CYP2C8: variants seen among roughly 807,000 people sequenced by gnomAD.
CYP2C8 encodes the protein cytochrome P450 2C8.
A neutral mutation model predicts 41.3 loss-of-function variants in CYP2C8; 51 were observed. The ratio of observed to expected loss-of-function variants is 1.24; its 90% CI spans 0.99 to 1.56. The LOEUF (loss-of-function observed/expected upper bound fraction) is 1.56, where lower values mean the gene tolerates loss of function less well. CYP2C8 is among the 40% of genes most tolerant of loss of function. CYP2C8 has a pLI of 0.00. For missense variants in CYP2C8, 651 were observed against 579.9 expected (o/e 1.12, Z -1.26); for synonymous variants, 218 against 205.8 (o/e 1.06, Z -0.51).
intron 3 of CYP2C8, among the ~76,000 whole-genome samples, chr10:95,065,412 A>G (rs560190434): frequency 6.6e-6 from 1 of 152,352 alleles, no homozygotes; most frequent in African/African-American, 2.4e-5. Flanking sequence ...GAATAAAGTT[A>G]GGGAGATTGT....
chr10:95,062,998 C>T (rs574267107), intron 4 of CYP2C8, among the ~76,000 whole-genome samples: 18 of 152,264 alleles, frequency 1.2e-4, no homozygotes, highest in South Asian at 4.1e-4. Context: ...GAGTTTCTGC[C>T]GAGAGATCCG....
intron 5 of CYP2C8, among the ~76,000 whole-genome samples, chr10:95,048,765 G>A (rs11572143): frequency 2.0e-4 from 30 of 152,060 alleles, no homozygotes; most frequent in African/African-American, 7.2e-4. Flanking sequence ...ATTACCCAGG[G>A]GAACATGTAG....
rs1301300752 is a variant in CYP2C8, at chr10:95,064,684, A to G, written c.642+116T>C. ...AAGGTGGTAATTATTTTCTTCACTCATACATCATTTTTATTGTATAAAAGC... is the reference window on the plus strand; with the variant it reads ...AAGGTGGTAATTATTTTCTTCACTCGTACATCATTTTTATTGTATAAAAGC... On this transcript the variant is annotated intron_variant, in intron 4 of 8. Transcript: ENST00000371270. The G allele has an allele frequency of 4.9e-6, 5 of 1,026,072 alleles. No homozygotes were observed. In the African/African-American group the frequency reaches 4.9e-5, roughly 10 times the overall value. The allele number at this position is 1,026,072 out of a possible 1,614,324, so 63.6% of individuals were successfully genotyped here. A position where few individuals can be genotyped will look rare whatever the true frequency, so the allele number is the denominator to read the frequency against.
rs770367683 is a variant in CYP2C8, at chr10:95,058,509, G to A, written c.645C>T (p.Val215=). Residue 215 remains valine (V), a splice_region_variant and synonymous_variant, in exon 5 of 9, where the codon GTC becomes GTT. Coordinates refer to ENST00000371270, the MANE Select transcript of CYP2C8 (RefSeq NM_000770.3). ...CAATGAGTAGAGGGAAATTATTGCA[G>A]ACCTAAAAGAGAAAAGAATATTAAA... is the stretch of plus-strand genomic sequence containing the variant. ...FRILNSPWIQ[V]CNNFPLLIDC... 1.9e-6 allele frequency: 3 copies of A among 1,609,652 alleles called. No individual in the cohort carries two copies. The highest frequency in any genetic ancestry group is 1.1e-5 in the South Asian group (1 of 90,726).
intron 6 of CYP2C8, 145 bp downstream of exon 6, chr10:95,045,665 G>A (rs2134413710): frequency 1.0e-6 from 1 of 960,872 alleles, no homozygotes; most frequent in Non-Finnish European, 1.6e-6. Context: ...ATTTTAAATT[G>A]TGTCATCAAA....
intron 4 of CYP2C8, among the ~76,000 whole-genome samples, chr10:95,060,799 T>C (rs1272877070): frequency 6.6e-6 from 1 of 152,232 alleles, no homozygotes; most frequent in Admixed American, 6.5e-5. Context: ...ATAGCTCTTA[T>C]TATTTTTAGA....
chr10:95,042,633 A>G (rs2033025206), intron 7 of CYP2C8, among the ~76,000 whole-genome samples: 1 of 152,240 alleles, frequency 6.6e-6, no homozygotes, highest in South Asian at 2.1e-4. Flanking sequence ...TAAAAATCTC[A>G]GAAGAGTGTT....
chr10:95,053,085 C>T lies in CYP2C8; in HGVS notation c.819+5250G>A, dbSNP rs139061442. On this transcript the variant is annotated intron_variant, in intron 5 of 8. Transcript: ENST00000371270. ...ACTATGAGAAATAATAAACAAATTC[C>T]GTAAAGTTGCAAGATACAAAATAAT... Among the ~76,000 whole-genome samples the T allele has an allele frequency of 1.8e-3, 276 of 151,986 alleles. 2 individuals are homozygous for T. Among genetic ancestry groups the T allele is most frequent in the African/African-American group, 6.3e-3 (260 of 41,474 alleles).
intron 5 of CYP2C8, among the ~76,000 whole-genome samples, chr10:95,056,492 A>G (rs2033316949): frequency 1.3e-5 from 2 of 152,226 alleles, no homozygotes; most frequent in Admixed American, 6.5e-5. Flanking sequence ...GGTGAAAATA[A>G]CACAAATGAT....
At chr10:95,062,799 G>A (rs1258571291) in intron 4 of CYP2C8, among the ~76,000 whole-genome samples, 1 of 152,122 alleles carries the variant, frequency 6.6e-6, no homozygotes, top group East Asian at 1.9e-4. Context: ...TCCATGTTTA[G>A]TGCTTCCTTC....
rs375721442 is a variant in CYP2C8 at position 95,043,713 on chromosome 10, C to A, written c.962-636G>T. ...CATCTCTATTCCATATATAGACACA[C>A]GCCCACAAAGTTATATGTGTACACA... On this transcript the variant is annotated intron_variant, in intron 6 of 8. Coordinates refer to ENST00000371270, the MANE Select transcript of CYP2C8 (RefSeq NM_000770.3). Among the ~76,000 whole-genome samples the A allele has an allele frequency of 7.9e-5, 12 of 152,156 alleles. 1 individual carries two copies. Among genetic ancestry groups the A allele is most frequent in the Admixed American group, 6.6e-4 (10 of 15,266 alleles).
chr10:95,062,967 A>C (rs964205216), intron 4 of CYP2C8, among the ~76,000 whole-genome samples: 44 of 152,148 alleles, frequency 2.9e-4, no homozygotes, highest in African/African-American at 6.8e-4. Context: ...AATATTGGCC[A>C]CCACTCTCTT....
chr10:95,061,606 AT>A (rs2033436961), intron 4 of CYP2C8, among the ~76,000 whole-genome samples: 1 of 151,962 alleles, frequency 6.6e-6, no homozygotes. Context: ...GGATTCATTG[AT>A]TTTTTGAAGG....
chr10:95,064,969 T>A lies in CYP2C8; in HGVS notation c.482-9A>T. 2.1e-6 allele frequency: 3 copies of A among 1,448,654 alleles called. No homozygotes were observed. The highest frequency in any genetic ancestry group is 1.8e-6 in the Non-Finnish European group (2 of 1,098,342). 89.7% of individuals were successfully genotyped at this position (1,448,654 alleles called of 1,614,324 possible). Reference sequence around the variant, plus strand: ...GGGATCACAGGGTGAAGCTAAAGATTTAAAAATTTTTAAAAAAATTATTAA... The same window carrying A: ...GGGATCACAGGGTGAAGCTAAAGATATAAAAATTTTTAAAAAAATTATTAA... On this transcript the variant is annotated splice_polypyrimidine_tract_variant and intron_variant, in intron 3 of 8. Transcript: ENST00000371270.
intron 5 of CYP2C8, among the ~76,000 whole-genome samples, chr10:95,050,580 C>A (rs12773510): frequency 0.38 from 57,446 of 151,936 alleles, 11,242 homozygotes; most frequent in Middle Eastern, 0.51. Context: ...GAGAGAGAGA[C>A]TTTGTTTATT....
At chr10:95,044,667 C>A (rs1254075055) in intron 6 of CYP2C8, among the ~76,000 whole-genome samples, 2 of 152,010 alleles carry the variant, frequency 1.3e-5, no homozygotes, top group Non-Finnish European at 2.9e-5. Flanking sequence ...TAAAGTGTCG[C>A]CGAGTACAGG....
chr10:95,043,026 C>T lies in CYP2C8; in HGVS notation c.1013G>A (p.Cys338Tyr). The change falls in exon 7 of 9, where the codon TGC (cysteine) becomes TAC (tyrosine). Residue 338 changes from cysteine (C) to tyrosine (Y), a missense_variant. Coordinates refer to ENST00000371270, the MANE Select transcript of CYP2C8 (RefSeq NM_000770.3). ...DHVIGRHRSP[C>Y]MQDRSHMPYT... ...AGGCATGTGGCTCCTATCCTGCATG[C>T]AGGGGCTCCTGTGTCTGCCAATTAC... The T allele has an allele frequency of 6.2e-7, 1 of 1,614,190 alleles. No homozygotes were observed. Among genetic ancestry groups the T allele is most frequent in the Non-Finnish European group, 8.5e-7 (1 of 1,180,026 alleles).
At chr10:95,062,062 A>G (rs1009102681) in intron 4 of CYP2C8, among the ~76,000 whole-genome samples, 6 of 152,166 alleles carry the variant, frequency 3.9e-5, no homozygotes, top group Non-Finnish European at 8.8e-5. Context: ...ACTTCCAACT[A>G]TGTGGTCAAT....
At chr10:95,065,064 T>C in intron 3 of CYP2C8, 104 bp from the exon 4 acceptor site, 1 of 1,085,324 alleles carries the variant, frequency 9.2e-7, no homozygotes. Context: ...AACAATATCT[T>C]ACAAATTCCC....
Sources: allele counts gnomAD v4.1 joint callset (sites outside exome capture counted in the v4.1 genomes callset), GRCh38; gene constraint gnomAD v4.1.1; transcripts MANE v1.5; gene names NCBI Gene and HGNC (gene_info 2026-07-23, HGNC 2026-07-21).